NFASC: variants seen among roughly 807,000 people sequenced by gnomAD.
NFASC encodes the protein neurofascin, also known as neurofascin homolog.
A neutral mutation model predicts 147.5 loss-of-function variants in NFASC; 43 were observed. The ratio of observed to expected loss-of-function variants is 0.29; its 90% CI spans 0.23 to 0.38. The LOEUF is 0.38. Ranked by LOEUF, NFASC falls within the 10% of genes least tolerant of loss-of-function variation. The pLI, the probability that NFASC is intolerant of heterozygous loss-of-function variation, is 1.00. For missense variants in NFASC, 1,320 were observed against 1,689.0 expected, an observed-to-expected ratio of 0.78 and a Z score of 3.83; for synonymous variants, 622 against 665.5, an observed-to-expected ratio of 0.93 and a Z score of 1.01.
At chr1:204,974,913 G>A (rs2095362032) in intron 14 of NFASC, 90 bp downstream of exon 14, 2 of 1,358,174 alleles carry the variant, frequency 1.5e-6, no homozygotes. Flanking sequence ...CATTGAAAAT[G>A]CACCACACCT....
At chr1:204,959,583 T>C (rs976009991) in intron 8 of NFASC, among the ~76,000 whole-genome samples, 3 of 152,200 alleles carry the variant, frequency 2.0e-5, no homozygotes, top group Admixed American at 1.3e-4. Flanking sequence ...ACATGCTCGC[T>C]GAGCTGAGCC....
chr1:204,968,932 C>A lies in NFASC; in HGVS notation c.953C>A (p.Ala318Asp), dbSNP rs1331225622. The stretch of plus-strand genomic sequence containing the variant: ...GACTCCGGGGAGTATTTCTGCCTGG[C>A]CTCCAACAAGATGGGCAGCATCCGG... Reference protein sequence around the residue: ...EEDSGEYFCLASNKMGSIRHT... With the variant: ...EEDSGEYFCLDSNKMGSIRHT... The change falls in exon 10 of 30, where the codon GCC (alanine) becomes GAC (aspartate). Residue 318 changes from alanine (A) to aspartate (D), a missense_variant. Physicochemically the swap from Ala to Asp is moderately radical, Grantham distance 126 (BLOSUM62 -2). Transcript: ENST00000339876. The surrounding 1 kb of genome is among the most constrained non-coding windows in gnomAD (Gnocchi z 5.4). 1 of 1,613,904 alleles carries A rather than the reference C, an allele frequency of 6.2e-7. No individual in the cohort carries two copies. The highest frequency in any genetic ancestry group is 8.5e-7 in the Non-Finnish European group (1 of 1,179,980).
chr1:204,832,718 T>C (rs116205763), intron 1 of NFASC, among the ~76,000 whole-genome samples: 279 of 152,336 alleles, frequency 1.8e-3, no homozygotes, highest in African/African-American at 6.4e-3. Flanking sequence ...ATTGGGCATG[T>C]AAGTCAAATT....
At chr1:205,006,817 A>AG (rs2096122053) in intron 27 of NFASC, among the ~76,000 whole-genome samples, 1 of 151,928 alleles carries the variant, frequency 6.6e-6, no homozygotes, top group African/African-American at 2.4e-5. Flanking sequence ...GAATCAAGGC[A>AG]GGGGGCAGGA....
At chr1:204,977,107 C>T (rs2095423237) in intron 16 of NFASC, 1 of 1,199,116 alleles carries the variant, frequency 8.3e-7, no homozygotes, top group Non-Finnish European at 1.0e-6. Flanking sequence ...ACAGCTAACT[C>T]CACCACTAAG....
chr1:204,841,295 G>A (rs933273502), intron 1 of NFASC, among the ~76,000 whole-genome samples: 4 of 152,218 alleles, frequency 2.6e-5, no homozygotes, highest in African/African-American at 9.6e-5. Flanking sequence ...TAGCACATGG[G>A]TGTGTCTGAT....
chr1:204,857,761 C>A (rs1469788198), intron 1 of NFASC, among the ~76,000 whole-genome samples: 2 of 152,080 alleles, frequency 1.3e-5, no homozygotes, highest in Non-Finnish European at 2.9e-5. Flanking sequence ...AACTTCTTTC[C>A]CCACAATTCT....
chr1:204,951,150 ATTT>A (rs35794512), intron 4 of NFASC, among the ~76,000 whole-genome samples: 8 of 133,282 alleles, frequency 6.0e-5, no homozygotes, highest in African/African-American at 1.7e-4. Context: ...ATGCTATGGG[ATTT>A]TTTTTTTTTT....
intron 26 of NFASC, among the ~76,000 whole-genome samples, chr1:205,002,178 G>A (rs964795430): frequency 4.6e-5 from 7 of 152,196 alleles, no homozygotes; most frequent in African/African-American, 1.7e-4. Context: ...AGAGCCAAGA[G>A]ACAGAGTCCC....
chr1:204,901,173 A>G (rs933569861), intron 1 of NFASC, among the ~76,000 whole-genome samples: 1 of 152,160 alleles, frequency 6.6e-6, no homozygotes, highest in African/African-American at 2.4e-5. Flanking sequence ...TTAGAAATAC[A>G]ACTGGACATG....
At chr1:204,887,415 G>C (rs2081504090) in intron 1 of NFASC, among the ~76,000 whole-genome samples, 1 of 152,008 alleles carries the variant, frequency 6.6e-6, no homozygotes, top group African/African-American at 2.4e-5. Flanking sequence ...GGACATTTGG[G>C]TTGTTTCCAC....
At position 205,015,771 on chromosome 1, in the gene NFASC, A is replaced by T. The variant is rs1448371770; in HGVS notation, c.3492-537A>T. Among the ~76,000 whole-genome samples, 1 of 152,076 alleles carries T rather than the reference A, an allele frequency of 6.6e-6. No homozygotes were observed. The highest frequency in any genetic ancestry group is 1.5e-5 in the Non-Finnish European group (1 of 68,016). ...AGCTCAGCGAAAGACACCAAGACAG[A>T]CAAGCAGAGAGGTGAGGGAGAGGTT... On this transcript the variant is annotated intron_variant, in intron 29 of 29. Transcript: ENST00000339876. The surrounding 1 kb of genome is among the most constrained non-coding windows in gnomAD (Gnocchi z 4.0).
In NFASC at chr1:204,993,677, G is replaced by A. The variant is rs369536965; in HGVS notation, c.2782+2371G>A. ...GAGTCTCTGCCCGCTGTCCTTGGTC[G>A]CCAGGCTGATGGTCTCCACTGAGCA... On this transcript the variant is annotated intron_variant, in intron 24 of 29. Transcript: ENST00000339876. 51 of 473,462 alleles carry A rather than the reference G, an allele frequency of 1.1e-4. No individual in the cohort carries two copies. The East Asian group carries it at 2.1e-3, about 20-fold the overall frequency. 29.3% of individuals were successfully genotyped at this position (473,462 alleles called of 1,614,324 possible).
chr1:204,860,492 G>A (rs946171290), intron 1 of NFASC, among the ~76,000 whole-genome samples: 1 of 152,216 alleles, frequency 6.6e-6, no homozygotes, highest in Non-Finnish European at 1.5e-5. Flanking sequence ...AGAGCCATCA[G>A]CTGCTGCTCT....
In NFASC at chr1:204,997,207, G is replaced by A. The variant is rs769338935; in HGVS notation, c.2820G>A (p.Thr940=). The A allele has an allele frequency of 8.7e-5, 140 of 1,613,534 alleles. No homozygotes were observed. The highest frequency in any genetic ancestry group is 4.5e-4 in the South Asian group (41 of 91,060). ...PTLPPTTVGA[T]GAVSSTDATA... is the part of the protein sequence containing the mutation. ...TGCCCCCGACTACCGTGGGTGCGAC[G>A]GGCGCTGTGAGCAGTACCGATGCTA... The change falls in exon 25 of 30, where the codon ACG becomes ACA. Residue 940 remains threonine, a synonymous_variant. Transcript: ENST00000339876.
rs182857723 is a variant in NFASC at position 204,909,809 on chromosome 1, A to G, written c.-199-10823A>G. On this transcript the variant is annotated intron_variant, in intron 1 of 29. Coordinates refer to ENST00000339876, the MANE Select transcript of NFASC (RefSeq NM_001005388.3). ...CTTTCTTTTTGCCTAAGGATATCCAATTATTTCAGCATCATTTGTCGAAAA... is the reference window on the plus strand; with the variant it reads ...CTTTCTTTTTGCCTAAGGATATCCAGTTATTTCAGCATCATTTGTCGAAAA... Among the ~76,000 whole-genome samples, 1,147 of 151,950 alleles carry G rather than the reference A, an allele frequency of 7.5e-3. 13 individuals are homozygous for G. The highest frequency in any genetic ancestry group is 0.026 in the African/African-American group (1,080 of 41,456).
At chr1:204,988,301 T>C (rs2095656822) in intron 22 of NFASC, among the ~76,000 whole-genome samples, 1 of 152,196 alleles carries the variant, frequency 6.6e-6, no homozygotes, top group Admixed American at 6.5e-5. Context: ...CTAGTTCTGT[T>C]TGAAAGGAAG....
chr1:204,931,957 C>G (rs1573251493), intron 2 of NFASC, among the ~76,000 whole-genome samples: 1 of 152,098 alleles, frequency 6.6e-6, no homozygotes, highest in East Asian at 1.9e-4. Context: ...TCACTCTGAC[C>G]AGGGCCACCT....
intron 8 of NFASC, chr1:204,967,977 G>T: frequency 5.5e-6 from 2 of 362,004 alleles, no homozygotes; most frequent in Admixed American, 4.3e-5. Context: ...CCGTTCCAGG[G>T]AAGGGGAGAT....
Sources: allele counts gnomAD v4.1 joint callset (sites outside exome capture counted in the v4.1 genomes callset), GRCh38; gene constraint gnomAD v4.1.1; non-coding constraint Gnocchi (gnomAD v3.1); transcripts MANE v1.5; gene names NCBI Gene and HGNC (gene_info 2026-07-23, HGNC 2026-07-21).